AP2A2: variants seen among roughly 807,000 people sequenced by gnomAD.
The protein encoded by AP2A2 is AP-2 complex subunit alpha-2.
In AP2A2, 32 loss-of-function variants were observed where a neutral mutation model predicts 104.2. The observed-to-expected ratio is 0.31, with a 90% CI of 0.23 to 0.41. The LOEUF (loss-of-function observed/expected upper bound fraction) is 0.41. Ranked by LOEUF, AP2A2 falls within the 10% of genes least tolerant of loss-of-function variation. The pLI is 1.00. For synonymous variants in AP2A2, 539 were observed against 533.3 expected, an observed-to-expected ratio of 1.01 and a Z score of -0.15; for missense variants, 912 against 1,261.0, an observed-to-expected ratio of 0.72 and a Z score of 4.19.
At chr11:1,004,316 T>C (rs1460176068) in intron 16 of AP2A2, among the ~76,000 whole-genome samples, 1 of 152,008 alleles carries the variant, frequency 6.6e-6, no homozygotes, top group African/African-American at 2.4e-5. Context: ...CTAATAAAAA[T>C]ACAAAAATTA....
chr11:954,731 G>A (rs1854180042), intron 1 of AP2A2, among the ~76,000 whole-genome samples: 2 of 151,922 alleles, frequency 1.3e-5, no homozygotes, highest in South Asian at 2.1e-4. Context: ...TGGTGTGTGT[G>A]TGTGTGTATT....
intron 1 of AP2A2, among the ~76,000 whole-genome samples, chr11:927,098 G>T (rs1165871586): frequency 6.6e-6 from 1 of 152,110 alleles, no homozygotes; most frequent in South Asian, 2.1e-4. Context: ...ACAGGGTCTT[G>T]CTCTGGCTCT....
At chr11:938,065 T>A (rs1387470831) in intron 1 of AP2A2, among the ~76,000 whole-genome samples, 1 of 152,216 alleles carries the variant, frequency 6.6e-6, no homozygotes. Context: ...CGCATGCTTA[T>A]TGGTTTGTCT....
intron 17 of AP2A2, chr11:1,007,665 T>TA (rs1190083518): frequency 2.4e-5 from 8 of 340,100 alleles, no homozygotes; most frequent in African/African-American, 1.8e-4. Context: ...CTGGGATTCT[T>TA]AAAGTTTTCC....
intron 4 of AP2A2, among the ~76,000 whole-genome samples, chr11:974,862 G>T (rs1854967510): frequency 6.6e-6 from 1 of 151,750 alleles, no homozygotes; most frequent in Admixed American, 6.6e-5. Context: ...GCGCCCTCCT[G>T]TAGTCCCAGT....
chr11:1,009,165 C>T lies in AP2A2; in HGVS notation c.2486C>T (p.Pro829Leu), dbSNP rs768193493. 2.5e-6 allele frequency: 4 copies of T among 1,613,754 alleles called. No individual in the cohort carries two copies. Among genetic ancestry groups the T allele is most frequent in the Middle Eastern group, 1.7e-4 (1 of 6,058 alleles). The change falls in exon 19 of 22, where the codon CCG becomes CTG. Residue 829 changes from proline (P) to leucine (L), a missense_variant. Transcript: ENST00000448903. ...ATCACTCTCAACAAATTCTTCCAGCCGACAGAAATGGCTTCTCAGGATTTC... is the reference window on the plus strand; with the variant it reads ...ATCACTCTCAACAAATTCTTCCAGCTGACAGAAATGGCTTCTCAGGATTTC... ...LPITLNKFFQ[P>L]TEMASQDFFQ...
At chr11:962,921 G>T (rs1450222974) in intron 2 of AP2A2, among the ~76,000 whole-genome samples, 1 of 152,060 alleles carries the variant, frequency 6.6e-6, no homozygotes, top group Non-Finnish European at 1.5e-5. Context: ...CTCCTTGTCC[G>T]TAAGAAATGT....
At chr11:927,816 C>CTAAAA (rs1853167443) in intron 1 of AP2A2, among the ~76,000 whole-genome samples, 1 of 68,838 alleles carries the variant, frequency 1.5e-5, no homozygotes. Context: ...ACCTTTCTCA[C>CTAAAA]AAAAAAAAAA....
chr11:990,887 C>G (rs1214960068), intron 10 of AP2A2, among the ~76,000 whole-genome samples: 1 of 149,030 alleles, frequency 6.7e-6, no homozygotes, highest in African/African-American at 2.5e-5. Context: ...TCCCCCCACC[C>G]CATCCTTTCA....
At chr11:944,956 GA>G (rs1258024011) in intron 1 of AP2A2, among the ~76,000 whole-genome samples, 1 of 152,176 alleles carries the variant, frequency 6.6e-6, no homozygotes, top group African/African-American at 2.4e-5. Context: ...GCTCTTACTA[GA>G]ATGCTAAACA....
chr11:942,597 C>G (rs997848973), intron 1 of AP2A2, among the ~76,000 whole-genome samples: 1 of 152,158 alleles, frequency 6.6e-6, no homozygotes, highest in Non-Finnish European at 1.5e-5. Context: ...AGTTTGGATA[C>G]TTGAATTTTC....
At position 966,156 on chromosome 11, in the gene AP2A2, T is replaced by C. The variant is rs144868429; in HGVS notation, c.137-4013T>C. On this transcript the variant is annotated intron_variant, in intron 2 of 21. Transcript: ENST00000448903. ...CCACTGCACCTGACTGGGAATTTCT[T>C]ATGACTGATCATCTCCAGGAGTTTT... Among the ~76,000 whole-genome samples the C allele has an allele frequency of 1.1e-4, 17 of 152,348 alleles. No homozygotes were observed. The East Asian group carries it at 3.1e-3, about 28-fold the overall frequency.
chr11:1,008,497 G>C, intron 18 of AP2A2: 1 of 229,002 alleles, frequency 4.4e-6, no homozygotes. Context: ...GTTTCCTTCG[G>C]CCCCCTGGCC....
chr11:960,794 A>G (rs573060729), intron 2 of AP2A2, among the ~76,000 whole-genome samples: 13 of 152,030 alleles, frequency 8.6e-5, no homozygotes, highest in African/African-American at 2.9e-4. Flanking sequence ...CTGGGATTAC[A>G]GGCGTGAGCC....
Position 1,007,947 on chromosome 11 carries a change from C to G in AP2A2, c.2297-65C>G, listed in dbSNP as rs1452101503. The G allele has an allele frequency of 1.9e-6, 3 of 1,549,866 alleles. No individual in the cohort carries two copies. The South Asian group carries it at 3.6e-5, about 18-fold the overall frequency. On this transcript the variant is annotated intron_variant, in intron 17 of 21. Coordinates refer to ENST00000448903, the MANE Select transcript of AP2A2 (RefSeq NM_012305.4). ...CGCCTCCACGGGTCCTGCTGGGGCTCTAGCCCGGCCCGTTTCCGCTTCTGC... is the reference window on the plus strand; with the variant it reads ...CGCCTCCACGGGTCCTGCTGGGGCTGTAGCCCGGCCCGTTTCCGCTTCTGC...
chr11:990,043 C>T lies in AP2A2; in HGVS notation c.1269+1354C>T, dbSNP rs117863433. ...TGTGGTCATGCCCAGGTGAGAGACT[C>T]GGGTTTTCAGGGGTCTTTTAGTGAA... On this transcript the variant is annotated intron_variant, in intron 10 of 21. Transcript: ENST00000448903. 4.6e-4 allele frequency among the ~76,000 whole-genome samples: 70 copies of T among 152,224 alleles called. No homozygotes were observed. In the East Asian group the frequency reaches 8.7e-3, roughly 19 times the overall value.
At chr11:972,313 A>G in intron 4 of AP2A2, 58 bp downstream of exon 4, 5 of 1,464,936 alleles carry the variant, frequency 3.4e-6, no homozygotes, top group Non-Finnish European at 4.5e-6. Flanking sequence ...CATGCCAAAT[A>G]CATCAAATAT....
intron 1 of AP2A2, among the ~76,000 whole-genome samples, chr11:926,531 A>ATG (rs1282792155): frequency 6.6e-6 from 1 of 152,134 alleles, no homozygotes; most frequent in Non-Finnish European, 1.5e-5. Flanking sequence ...CCTCCCCAGC[A>ATG]TGATGTCACC....
intron 1 of AP2A2, chr11:940,875 C>T (rs910637852): frequency 4.4e-6 from 2 of 456,162 alleles, no homozygotes; most frequent in South Asian, 3.1e-5. Context: ...AGAGGACTCT[C>T]GACTCTCTTC....
Sources: allele counts gnomAD v4.1 joint callset (sites outside exome capture counted in the v4.1 genomes callset), GRCh38; gene constraint gnomAD v4.1.1; transcripts MANE v1.5; gene names NCBI Gene and HGNC (gene_info 2026-07-23, HGNC 2026-07-21).